FADS2: variants seen among roughly 807,000 people sequenced by gnomAD.
The protein encoded by FADS2 is acyl-CoA 6-desaturase.
Under a neutral mutation model 61.2 loss-of-function variants are expected in FADS2, and 18 were observed. The ratio of observed to expected loss-of-function variants is 0.29; its 90% CI spans 0.20 to 0.44. The LOEUF (loss-of-function observed/expected upper bound fraction) is 0.44. Ranked by LOEUF, FADS2 falls within the 20% of genes least tolerant of loss-of-function variation. FADS2 has a pLI of 1.00. For synonymous variants in FADS2, 203 were observed against 223.9 expected (o/e 0.91, Z 0.83); for missense variants, 322 against 572.7 (o/e 0.56, Z 4.47).
In FADS2 at chr11:61,818,776, G is replaced by A. The variant is rs374098178; in HGVS notation, c.141+2350G>A. On this transcript the variant is annotated intron_variant, in intron 1 of 11. Transcript: ENST00000257261. ...CCTTTACATAAACCATTTTTCCTAT[G>A]TGACTGTGCAGTGGGATAAAAGCTC... 8.1e-4 allele frequency among the ~76,000 whole-genome samples: 124 copies of A among 152,176 alleles called. 1 individual carries two copies. Among genetic ancestry groups the A allele is most frequent in the Non-Finnish European group, 1.6e-3 (108 of 68,032 alleles).
intron 5 of FADS2, among the ~76,000 whole-genome samples, chr11:61,851,136 A>G (rs174592): frequency 0.44 from 67,169 of 152,010 alleles, 15,795 homozygotes; most frequent in East Asian, 0.56. Flanking sequence ...TCTAGAAAAC[A>G]GAACTGATGA....
intron 4 of FADS2, 143 bp from the exon 5 acceptor site, chr11:61,848,015 GC>G (rs1367329494): frequency 1.1e-6 from 1 of 887,578 alleles, no homozygotes; most frequent in Non-Finnish European, 1.8e-6. Flanking sequence ...TCATGGCAGG[GC>G]TGGATTCTGG....
intron 10 of FADS2, 161 bp downstream of exon 10, chr11:61,863,947 A>T: frequency 1.6e-6 from 1 of 628,666 alleles, no homozygotes; most frequent in Admixed American, 2.6e-5. Flanking sequence ...CGCTGAGGTC[A>T]GGAGAGGGGC....
intron 1 of FADS2, among the ~76,000 whole-genome samples, chr11:61,833,985 C>T (rs1266260617): frequency 6.6e-6 from 1 of 152,160 alleles, no homozygotes; most frequent in Non-Finnish European, 1.5e-5. Flanking sequence ...CAGCGGGGGA[C>T]GCAGGCCATA....
chr11:61,823,012 T>G (rs2067046061), intron 1 of FADS2, among the ~76,000 whole-genome samples: 1 of 152,244 alleles, frequency 6.6e-6, no homozygotes, highest in African/African-American at 2.4e-5. Context: ...ACCAATTTAC[T>G]GCTGAATTAT....
chr11:61,841,457 G>C (rs1219549337), intron 4 of FADS2, among the ~76,000 whole-genome samples: 1 of 151,492 alleles, frequency 6.6e-6, no homozygotes, highest in African/African-American at 2.4e-5. Flanking sequence ...CCAGCCACCT[G>C]GGAGGCTGAG....
At chr11:61,857,402 G>C (rs1023902818) in intron 6 of FADS2, 52 bp from the exon 7 acceptor site, 3 of 1,544,518 alleles carry the variant, frequency 1.9e-6, no homozygotes, top group Middle Eastern at 1.7e-4. Context: ...CTGACCTTCC[G>C]GCACAGGCAG....
At chr11:61,858,441 A>G (rs572813931) in intron 7 of FADS2, among the ~76,000 whole-genome samples, 3 of 152,030 alleles carry the variant, frequency 2.0e-5, no homozygotes, top group African/African-American at 7.2e-5. Context: ...AGCCTCACAA[A>G]GTGCTGAGAT....
chr11:61,826,249 T>G (rs756361412), upstream of FADS2: 2 of 702,432 alleles, frequency 2.8e-6, no homozygotes, highest in Non-Finnish European at 5.2e-6. Flanking sequence ...TTCATTCATT[T>G]GTGTCTTCAA....
At chr11:61,831,283 A>G (rs2067126709) in intron 1 of FADS2, among the ~76,000 whole-genome samples, 1 of 152,152 alleles carries the variant, frequency 6.6e-6, no homozygotes. Context: ...CCCCCAGAGC[A>G]TGGGGAGTGA....
intron 5 of FADS2, among the ~76,000 whole-genome samples, chr11:61,852,641 A>G (rs1485607326): frequency 6.6e-6 from 1 of 152,140 alleles, no homozygotes; most frequent in Non-Finnish European, 1.5e-5. Context: ...TGTCATTATG[A>G]TTGGAGGTTC....
At chr11:61,817,132 T>G in intron 1 of FADS2, 3 of 284,724 alleles carry the variant, frequency 1.1e-5, no homozygotes, top group Non-Finnish European at 1.1e-5. Context: ...GTGCAGGCCC[T>G]GGGTGCGGGG....
chr11:61,865,604 G>C lies in FADS2; in HGVS notation c.1284-34G>C. Reference sequence around the variant, plus strand: ...CACTCCCTGGGGCCACTCCCGTCCTGGTCCCTGACCCTGGTCCATCCCCAA... The same window carrying C: ...CACTCCCTGGGGCCACTCCCGTCCTCGTCCCTGACCCTGGTCCATCCCCAA... On this transcript the variant is annotated intron_variant, in intron 11 of 11. Coordinates refer to ENST00000278840, the MANE Select transcript of FADS2 (RefSeq NM_004265.4). This position sits in a 1 kb window ranked among gnomAD's most constrained non-coding sequence, Gnocchi z 4.1. The C allele has an allele frequency of 6.2e-7, 1 of 1,606,334 alleles. No homozygotes were observed. The highest frequency in any genetic ancestry group is 8.5e-7 in the Non-Finnish European group (1 of 1,174,224).
intron 5 of FADS2, 35 bp downstream of exon 5, chr11:61,848,319 G>C: frequency 6.2e-7 from 1 of 1,610,610 alleles, no homozygotes; most frequent in Non-Finnish European, 8.5e-7. Flanking sequence ...CCTAGGAAGT[G>C]TTTGTCCTGG....
chr11:61,830,845 G>A (rs1002312120), intron 1 of FADS2, among the ~76,000 whole-genome samples: 2 of 152,214 alleles, frequency 1.3e-5, no homozygotes, highest in African/African-American at 2.4e-5. Context: ...GCAATGGGGT[G>A]TTATCAGGCA....
At chr11:61,825,961 T>G (rs2067081574), upstream of FADS2, 1 of 657,074 alleles carries the variant, frequency 1.5e-6, no homozygotes, top group African/African-American at 1.8e-5. Context: ...TAAAGTTCTC[T>G]CTTAATTCAG....
At chr11:61,859,149 C>A (rs527960827) in intron 7 of FADS2, among the ~76,000 whole-genome samples, 5 of 152,160 alleles carry the variant, frequency 3.3e-5, no homozygotes, top group Non-Finnish European at 7.3e-5. Context: ...CCTCTGCCTC[C>A]TGGGTTCGAG....
At position 61,834,696 on chromosome 11, in the gene FADS2, A is replaced by G. The variant is rs73487475; in HGVS notation, c.208-3082A>G. Among the ~76,000 whole-genome samples the G allele has an allele frequency of 5.0e-3, 754 of 152,302 alleles. 8 individuals carry two copies. The highest frequency in any genetic ancestry group is 0.017 in the African/African-American group (699 of 41,540). On this transcript the variant is annotated intron_variant, in intron 1 of 11. Coordinates refer to ENST00000278840, the MANE Select transcript of FADS2 (RefSeq NM_004265.4). ...AGACAAGAGGAATCCATTAGTTATCAGCCACTGCAGCTGCTTCTCAGGAAA... is the reference window on the plus strand; with the variant it reads ...AGACAAGAGGAATCCATTAGTTATCGGCCACTGCAGCTGCTTCTCAGGAAA...
rs924034672 is a variant in FADS2 at position 61,863,445 on chromosome 11, G to A, written c.1077+67G>A. On this transcript the variant is annotated intron_variant, in intron 9 of 11. Coordinates refer to ENST00000278840, the MANE Select transcript of FADS2 (RefSeq NM_004265.4). ...TCCATGTCCTGGCCCCAGATGATCTGCACCTGCTAACACAGGGCTGTGCTG... is the reference window on the plus strand; with the variant it reads ...TCCATGTCCTGGCCCCAGATGATCTACACCTGCTAACACAGGGCTGTGCTG... 5 of 1,245,758 alleles carry A rather than the reference G, an allele frequency of 4.0e-6. No individual in the cohort carries two copies. The African/African-American group carries it at 4.4e-5, about 11-fold the overall frequency. The allele number at this position is 1,245,758 out of a possible 1,614,324, so 77.2% of individuals were successfully genotyped here.
Sources: gnomAD v4.1 joint callset for allele counts (sites outside exome capture counted in the v4.1 genomes callset) on GRCh38, gnomAD v4.1.1 for gene constraint, Gnocchi (gnomAD v3.1) non-coding constraint, MANE v1.5 for transcripts, NCBI Gene and HGNC (gene_info 2026-07-23, HGNC 2026-07-21) for gene names.